MCC: variants seen among roughly 807,000 people sequenced by gnomAD.
The protein encoded by MCC is MCC regulator of Wnt signaling pathway.
In MCC, 90 loss-of-function variants were observed where a neutral mutation model predicts 116.2. The observed-to-expected ratio is 0.77, with a 90% CI of 0.65 to 0.92. The LOEUF (loss-of-function observed/expected upper bound fraction) is 0.92. Ranked by LOEUF, MCC falls within the 40% of genes least tolerant of loss-of-function variation. The pLI is 0.00. For synonymous variants in MCC, 578 were observed against 510.5 expected, an observed-to-expected ratio of 1.13 and a Z score of -1.78; for missense variants, 1,516 against 1,312.2, an observed-to-expected ratio of 1.16 and a Z score of -2.40.
At chr5:113,475,881 A>T (rs759769072) in intron 1 of MCC, among the ~76,000 whole-genome samples, 5 of 152,172 alleles carry the variant, frequency 3.3e-5, no homozygotes, top group Non-Finnish European at 5.9e-5. Context: ...TACCCTCAAG[A>T]AGCTATGTTA....
intron 3 of MCC, among the ~76,000 whole-genome samples, chr5:113,162,752 G>A (rs1256835001): frequency 6.6e-6 from 1 of 152,098 alleles, no homozygotes; most frequent in Non-Finnish European, 1.5e-5. Flanking sequence ...TCCCACCTTA[G>A]CCTCTCAAAG....
At chr5:113,386,758 T>TATATATATATAC (rs1323912463) in intron 1 of MCC, among the ~76,000 whole-genome samples, 8 of 147,492 alleles carry the variant, frequency 5.4e-5, no homozygotes, top group Non-Finnish European at 1.2e-4. Context: ...GTATATCATA[T>TATATATATATAC]ATATATATAT....
At chr5:113,219,928 C>A (rs998945210) in intron 3 of MCC, among the ~76,000 whole-genome samples, 1 of 152,070 alleles carries the variant, frequency 6.6e-6, no homozygotes, top group East Asian at 1.9e-4. Flanking sequence ...AACATCCTCC[C>A]GGTCAGTGCC....
At chr5:113,170,372 C>T (rs976687466) in intron 3 of MCC, among the ~76,000 whole-genome samples, 3 of 152,124 alleles carry the variant, frequency 2.0e-5, no homozygotes, top group African/African-American at 7.2e-5. Context: ...ATATTCCTAC[C>T]TCCTTAGGCA....
intron 3 of MCC, among the ~76,000 whole-genome samples, chr5:113,190,307 G>A (rs1762089964): frequency 6.6e-6 from 1 of 152,138 alleles, no homozygotes; most frequent in African/African-American, 2.4e-5. Flanking sequence ...GAACTAAAAG[G>A]TCTACCGGAA....
At chr5:113,157,325 T>C (rs1230819512) in intron 3 of MCC, among the ~76,000 whole-genome samples, 1 of 152,184 alleles carries the variant, frequency 6.6e-6, no homozygotes, top group African/African-American at 2.4e-5. Flanking sequence ...ACAACTATTT[T>C]TCCCATGAAA....
chr5:113,233,931 T>C (rs1253765423), intron 3 of MCC, among the ~76,000 whole-genome samples: 1 of 152,008 alleles, frequency 6.6e-6, no homozygotes, highest in Non-Finnish European at 1.5e-5. Flanking sequence ...GGGGAGACAA[T>C]GGAGGAAAAA....
chr5:113,088,160 C>G (rs1197745907), intron 8 of MCC, among the ~76,000 whole-genome samples: 1 of 151,994 alleles, frequency 6.6e-6, no homozygotes, highest in Non-Finnish European at 1.5e-5. Flanking sequence ...TAGTTGCTAG[C>G]CAGTGGAAAC....
In MCC at chr5:113,340,722, A is replaced by G. The variant is rs776525978; in HGVS notation, c.424T>C (p.Ser142Pro). The change falls in exon 3 of 19, where the codon TCA (serine) becomes CCA (proline). Residue 142 changes from serine to proline, a missense_variant. Transcript: ENST00000408903. ...TSSDNSLGAL[S>P]AARESWEYDS... ...TATTCCCAGCTCTCCCTGGCTGCTG[A>G]TAAGGCACCTAAGTCCGAGAGAAGC... The G allele has an allele frequency of 6.3e-5, 102 of 1,613,208 alleles. 1 individual carries two copies. The South Asian group carries it at 7.9e-4, about 13-fold the overall frequency.
intron 3 of MCC, among the ~76,000 whole-genome samples, chr5:113,205,556 T>C (rs951314553): frequency 6.6e-6 from 1 of 152,226 alleles, no homozygotes; most frequent in Non-Finnish European, 1.5e-5. Flanking sequence ...ACTTAAGCAA[T>C]GCATTTGAAG....
At chr5:113,193,235 GC>G (rs1289476319) in intron 3 of MCC, among the ~76,000 whole-genome samples, 1 of 151,726 alleles carries the variant, frequency 6.6e-6, no homozygotes, top group Non-Finnish European at 1.5e-5. Flanking sequence ...ATTACACTGG[GC>G]CTACCTGGAT....
intron 2 of MCC, among the ~76,000 whole-genome samples, chr5:113,350,119 A>G: frequency 6.6e-6 from 1 of 152,178 alleles, no homozygotes; most frequent in Admixed American, 6.5e-5. Flanking sequence ...CATACTACCC[A>G]AAGCAATCTA....
chr5:113,057,753 C>G (rs937054601), intron 14 of MCC, among the ~76,000 whole-genome samples: 1 of 152,266 alleles, frequency 6.6e-6, no homozygotes, highest in Non-Finnish European at 1.5e-5. Context: ...AGCTCAGGAG[C>G]TCACCTTCAC....
Position 113,135,685 on chromosome 5 carries a change from C to A in MCC, c.884+7533G>T, listed in dbSNP as rs575341254. ...TGGCATATATAAATGCTATTAAAAC[C>A]CACCTAGATACGTAACCTACCTACT... On this transcript the variant is annotated intron_variant, in intron 5 of 18. Transcript: ENST00000408903. Among the ~76,000 whole-genome samples the A allele has an allele frequency of 5.4e-4, 82 of 151,924 alleles. 1 individual carries two copies. The South Asian group carries it at 0.017, about 32-fold the overall frequency.
intron 1 of MCC, among the ~76,000 whole-genome samples, chr5:113,464,410 A>G (rs995292385): frequency 8.5e-5 from 13 of 152,168 alleles, no homozygotes; most frequent in African/African-American, 1.7e-4. Context: ...TGTTCCTTTA[A>G]TCAGGAACTT....
chr5:113,161,533 T>C (rs903448395), intron 3 of MCC, among the ~76,000 whole-genome samples: 3 of 152,130 alleles, frequency 2.0e-5, no homozygotes, highest in Admixed American at 6.5e-5. Context: ...TTTACAGCAA[T>C]GGTTGAAGTG....
chr5:113,087,764 A>G (rs1218849090), intron 8 of MCC, among the ~76,000 whole-genome samples: 1 of 134,986 alleles, frequency 7.4e-6, no homozygotes, highest in Non-Finnish European at 1.5e-5. Flanking sequence ...CTACTGGCCT[A>G]CTCATCTTTT....
At chr5:113,457,361 C>G (rs186525850) in intron 1 of MCC, among the ~76,000 whole-genome samples, 2 of 152,234 alleles carry the variant, frequency 1.3e-5, no homozygotes, top group African/African-American at 4.8e-5. Flanking sequence ...GATTTCTCGC[C>G]GGGCCTTAGC....
chr5:113,228,416 A>G (rs1179544745), intron 3 of MCC, among the ~76,000 whole-genome samples: 5 of 152,204 alleles, frequency 3.3e-5, no homozygotes, highest in African/African-American at 1.2e-4. Flanking sequence ...AGACTTACAG[A>G]AAGCTCCAAA....
Sources: gnomAD v4.1 joint callset for allele counts (sites outside exome capture counted in the v4.1 genomes callset) on GRCh38, gnomAD v4.1.1 for gene constraint, MANE v1.5 for transcripts, NCBI Gene and HGNC (gene_info 2026-07-23, HGNC 2026-07-21) for gene names.